FBLN2: variants seen among roughly 807,000 people sequenced by gnomAD.
FBLN2 encodes fibulin-2.
FBLN2 carries 81 observed loss-of-function variants against 123.7 expected under a neutral mutation model. That is an observed-to-expected ratio of 0.65 (90% CI 0.55 to 0.79). The LOEUF (loss-of-function observed/expected upper bound fraction) is 0.79, where lower values mean the gene tolerates loss of function less well. Ranked by LOEUF, FBLN2 falls within the 30% of genes least tolerant of loss-of-function variation. The pLI is 0.00. For synonymous variants in FBLN2, 699 were observed against 701.4 expected (o/e 1.00, Z 0.05); for missense variants, 1,603 against 1,681.3 (o/e 0.95, Z 0.81).
At chr3:13,631,245 G>A (rs1221388698) in intron 15 of FBLN2, 84 bp from the exon 16 acceptor site, 5 of 1,511,656 alleles carry the variant, frequency 3.3e-6, no homozygotes, top group African/African-American at 2.8e-5. Flanking sequence ...AAGCTCTATG[G>A]CTGTGACAGG....
intron 4 of FBLN2, among the ~76,000 whole-genome samples, chr3:13,612,742 T>C (rs1705448774): frequency 6.6e-6 from 1 of 152,174 alleles, no homozygotes. Flanking sequence ...TCCATGTCTT[T>C]TTGGGTGGTT....
At chr3:13,629,439 A>G (rs1706174918) in intron 13 of FBLN2, 147 bp downstream of exon 13, 1 of 1,147,192 alleles carries the variant, frequency 8.7e-7, no homozygotes, top group African/African-American at 1.6e-5. Flanking sequence ...AGCTGGCCTC[A>G]TCCTCCTGCT....
intron 2 of FBLN2, among the ~76,000 whole-genome samples, chr3:13,592,155 A>G (rs1391745961): frequency 6.6e-6 from 1 of 151,366 alleles, no homozygotes; most frequent in East Asian, 2.0e-4. Flanking sequence ...CCTCCCGAGT[A>G]GCTGGGATTA....
rs966682923 is a variant in FBLN2 at position 13,618,784 on chromosome 3, T to TGGG, written c.1940-118_1940-116dup. 2.1e-5 allele frequency: 14 copies of TGGG among 681,760 alleles called. No individual in the cohort carries two copies. In the Admixed American group the frequency reaches 2.7e-4, roughly 13 times the overall value. The allele number at this position is 681,760 out of a possible 1,614,324, so 42.2% of individuals were successfully genotyped here. ...AACCTCATTTTCCTCTCCTGTGAAA[T>TGGG]GGGGTGGGGGATTAAATGTCAGTGC... On this transcript the variant is annotated intron_variant, in intron 6 of 17. Coordinates refer to ENST00000404922, the MANE Select transcript of FBLN2 (RefSeq NM_001004019.2).
At chr3:13,585,211 G>T (rs1704459169) in intron 2 of FBLN2, among the ~76,000 whole-genome samples, 1 of 152,236 alleles carries the variant, frequency 6.6e-6, no homozygotes, top group African/African-American at 2.4e-5. Context: ...CCCCCCACCA[G>T]CCGTGGCCAT....
chr3:13,555,880 G>C (rs955124376), intron 1 of FBLN2, among the ~76,000 whole-genome samples: 1 of 152,202 alleles, frequency 6.6e-6, no homozygotes, highest in Non-Finnish European at 1.5e-5. Flanking sequence ...TTCCTCACAA[G>C]ATCACCGAGC....
At chr3:13,635,641 C>T in intron 16 of FBLN2, among the ~76,000 whole-genome samples, 1 of 152,058 alleles carries the variant, frequency 6.6e-6, no homozygotes, top group East Asian at 1.9e-4. Flanking sequence ...GTCTGTTGCT[C>T]ATGGGGGACA....
chr3:13,588,442 G>C (rs1704574788), intron 2 of FBLN2, among the ~76,000 whole-genome samples: 1 of 152,266 alleles, frequency 6.6e-6, no homozygotes, highest in African/African-American at 2.4e-5. Context: ...CCAGGCGGAG[G>C]CACGGGGCGT....
At chr3:13,599,887 C>T (rs1207210156) in intron 2 of FBLN2, among the ~76,000 whole-genome samples, 1 of 132,602 alleles carries the variant, frequency 7.5e-6, no homozygotes, top group Middle Eastern at 3.5e-3. Flanking sequence ...ACATGGGGGG[C>T]GGGGGCAAGA....
chr3:13,601,885 T>C (rs573717926), intron 2 of FBLN2, among the ~76,000 whole-genome samples: 11 of 152,284 alleles, frequency 7.2e-5, no homozygotes, highest in Admixed American at 7.2e-4. Flanking sequence ...GAAGCCTCCA[T>C]CTCCTGGGCT....
At chr3:13,625,269 G>A (rs535918185) in intron 9 of FBLN2, among the ~76,000 whole-genome samples, 26 of 151,924 alleles carry the variant, frequency 1.7e-4, no homozygotes, top group Admixed American at 5.9e-4. Context: ...TCTGTGGCCC[G>A]GGGACAGTTT....
chr3:13,551,679 T>TG (rs1466722358), intron 1 of FBLN2, among the ~76,000 whole-genome samples: 1 of 152,052 alleles, frequency 6.6e-6, no homozygotes, highest in Non-Finnish European at 1.5e-5. Context: ...CGTAAATGCT[T>TG]GGGGCATGCT....
At chr3:13,572,299 C>G (rs995432014) in intron 2 of FBLN2, among the ~76,000 whole-genome samples, 1 of 152,210 alleles carries the variant, frequency 6.6e-6, no homozygotes, top group Non-Finnish European at 1.5e-5. Flanking sequence ...ACCAGCTGTA[C>G]CCTCACTCCA....
chr3:13,619,048 G>C, intron 7 of FBLN2, 31 bp downstream of exon 7: 1 of 1,547,734 alleles, frequency 6.5e-7, no homozygotes, highest in Non-Finnish European at 8.8e-7. Flanking sequence ...CTCCAGGACA[G>C]GGCCCAGGGT....
At chr3:13,612,954 G>T (rs1040058311) in intron 4 of FBLN2, among the ~76,000 whole-genome samples, 7 of 152,130 alleles carry the variant, frequency 4.6e-5, no homozygotes, top group African/African-American at 1.7e-4. Context: ...CCTGAGCCAC[G>T]CTCAGCTGAT....
In FBLN2 at chr3:13,630,927, A is replaced by G. The variant is rs1379931126; in HGVS notation, c.3085+112A>G. The stretch of plus-strand genomic sequence containing the variant: ...GGACACAGAAAGGTTTTAGCATCAG[A>G]TCTGAGTTCAAGCCCCAGCCCTGCA... On this transcript the variant is annotated intron_variant, in intron 15 of 17. Coordinates refer to ENST00000404922, the MANE Select transcript of FBLN2 (RefSeq NM_001004019.2). The G allele has an allele frequency of 8.5e-6, 7 of 821,742 alleles. No individual in the cohort carries two copies. The Admixed American group carries it at 1.6e-4, about 19-fold the overall frequency. 50.9% of individuals were successfully genotyped at this position (821,742 alleles called of 1,614,324 possible).
rs112155579 is a variant in FBLN2 at position 13,619,006 on chromosome 3, A to G, written c.2042A>G (p.Asn681Ser). The G allele has an allele frequency of 1.7e-4, 271 of 1,610,308 alleles. 2 individuals carry two copies. In the African/African-American group the frequency reaches 2.5e-3, roughly 15 times the overall value. ...NTIPLPLPQPNTCKDNGPCKQ... is the reference protein window; with the variant it reads ...NTIPLPLPQPSTCKDNGPCKQ... The stretch of plus-strand genomic sequence containing the variant: ...ATCCCGCTGCCACTGCCGCAGCCCA[A>G]TACCTGCAAAGGTAAGCAGTGTGGG... Residue 681 changes from asparagine to serine, a missense_variant, in exon 7 of 18, where the codon AAT becomes AGT. Coordinates refer to ENST00000404922, the MANE Select transcript of FBLN2 (RefSeq NM_001004019.2).
chr3:13,571,255 C>T lies in FBLN2; in HGVS notation c.900C>T (p.Gly300=). The change falls in exon 2 of 18, where the codon GGC becomes GGT. Residue 300 remains glycine (G), a synonymous_variant. Transcript: ENST00000404922. ...MAVTEQLAAG[G]HRGLDGLPTT... is the part of the protein sequence containing the mutation. ...TCACTGAGCAGCTGGCAGCAGGTGG[C>T]CACAGGGGGCTGGATGGGCTGCCCA... 1 of 1,568,042 alleles carries T rather than the reference C, an allele frequency of 6.4e-7. No individual in the cohort carries two copies. Among genetic ancestry groups the T allele is most frequent in the Non-Finnish European group, 8.6e-7 (1 of 1,157,028 alleles).
At position 13,638,163 on chromosome 3, in the gene FBLN2, C is replaced by T. The variant is rs763421016; in HGVS notation, c.*244C>T. 25 of 644,714 alleles carry T rather than the reference C, an allele frequency of 3.9e-5. No individual in the cohort carries two copies. The South Asian group carries it at 4.1e-4, about 11-fold the overall frequency. 39.9% of individuals were successfully genotyped at this position (644,714 alleles called of 1,614,324 possible). On this transcript the variant is annotated 3_prime_UTR_variant, in exon 18 of 18. Coordinates refer to ENST00000404922, the MANE Select transcript of FBLN2 (RefSeq NM_001004019.2). ...GTGGGCCACGGCCGTGGCGGGTGCC[C>T]TGTGGGTGAGGCTGGGTGATGACCT...
Sources: allele counts gnomAD v4.1 joint callset (sites outside exome capture counted in the v4.1 genomes callset), GRCh38; gene constraint gnomAD v4.1.1; transcripts MANE v1.5; gene names NCBI Gene and HGNC (gene_info 2026-07-23, HGNC 2026-07-21).